Variants in NECAB1 observed in about 807,000 individuals in gnomAD.
NECAB1 encodes N-terminal EF-hand calcium binding protein 1.
Under a neutral mutation model 57.5 loss-of-function variants are expected in NECAB1, and 29 were observed. That is an observed-to-expected ratio of 0.50 (90% CI 0.38 to 0.69). The LOEUF is 0.69. NECAB1 is among the 30% of genes least tolerant of loss of function. The probability of loss-of-function intolerance (pLI) is 0.00; values close to 1 mark genes in which losing one functional copy is unlikely to be tolerated. For missense variants in NECAB1, 372 were observed against 413.8 expected, an observed-to-expected ratio of 0.90 and a Z score of 0.88; for synonymous variants, 142 against 147.7, an observed-to-expected ratio of 0.96 and a Z score of 0.28.
chr8:90,881,186 T>G, intron 5 of NECAB1, 56 bp downstream of exon 5: 3 of 1,269,734 alleles, frequency 2.4e-6, no homozygotes, highest in Non-Finnish European at 3.3e-6. Context: ...AAAAAGATTT[T>G]TCTTGAAAAT....
chr8:90,952,798 T>TAAAATAAAATAAAATAAAATAAAA (rs4041466), intron 12 of NECAB1, among the ~76,000 whole-genome samples: 1,473 of 138,224 alleles, frequency 0.011, 22 homozygotes, highest in African/African-American at 0.045. Context: ...AATAATAAAA[T>TAAAATAAAATAAAATAAAATAAAA]TAAAATAAAA....
At chr8:90,833,140 T>G in intron 3 of NECAB1, among the ~76,000 whole-genome samples, 1 of 152,194 alleles carries the variant, frequency 6.6e-6, no homozygotes, top group East Asian at 1.9e-4. Context: ...TTTCCACTCT[T>G]TGCACATTTT....
In NECAB1 at chr8:90,822,865, TA is replaced by T. The variant is rs987649629; in HGVS notation, c.125-1851del. Among the ~76,000 whole-genome samples, 7 of 143,816 alleles carry T rather than the reference TA, an allele frequency of 4.9e-5. No individual in the cohort carries two copies. The South Asian group carries it at 1.0e-3, about 21-fold the overall frequency. The allele number at this position is 143,816 out of a possible 152,430, so 94.3% of individuals were successfully genotyped here. A position where few individuals can be genotyped will look rare whatever the true frequency, so the allele number is the denominator to read the frequency against. On this transcript the variant is annotated intron_variant, in intron 2 of 12. Transcript: ENST00000417640. ...CGATTTCTGTTTTTTCTTTTTTCTT[TA>T]TTTTTTTTTTTAAACAGTACATGAA... is the stretch of plus-strand genomic sequence containing the variant.
chr8:90,947,459 G>A (rs1160620875), intron 10 of NECAB1, among the ~76,000 whole-genome samples: 1 of 149,186 alleles, frequency 6.7e-6, no homozygotes, highest in South Asian at 2.1e-4. Context: ...GGAGTGCAGT[G>A]GCTTGATCTT....
At chr8:90,902,789 C>A (rs1249438234) in intron 5 of NECAB1, among the ~76,000 whole-genome samples, 1 of 151,846 alleles carries the variant, frequency 6.6e-6, no homozygotes, top group Non-Finnish European at 1.5e-5. Context: ...TGACCTTCTA[C>A]CTGTAGGAGG....
intron 2 of NECAB1, chr8:90,813,234 T>TACACACACACACACAC (rs398008736): frequency 2.3e-5 from 2 of 85,532 alleles, no homozygotes; most frequent in Non-Finnish European, 4.6e-5. Context: ...TATGTATATA[T>TACACACACACACACAC]ACACACACAC....
At chr8:90,830,992 T>C (rs1231115154) in intron 3 of NECAB1, among the ~76,000 whole-genome samples, 1 of 152,094 alleles carries the variant, frequency 6.6e-6, no homozygotes, top group Non-Finnish European at 1.5e-5. Flanking sequence ...ACATGTCTTA[T>C]AGGACCAGAG....
At chr8:90,808,714 C>T (rs923988595) in intron 2 of NECAB1, among the ~76,000 whole-genome samples, 9 of 143,016 alleles carry the variant, frequency 6.3e-5, no homozygotes, top group Non-Finnish European at 1.0e-4. Flanking sequence ...GGCACAACCT[C>T]GGCTCACTGC....
rs767541179 is a variant in NECAB1 at position 90,951,130 on chromosome 8, A to G, written c.956A>G (p.Tyr319Cys). 6.3e-6 allele frequency: 10 copies of G among 1,597,896 alleles called. No homozygotes were observed. The East Asian group carries it at 2.3e-4, about 36-fold the overall frequency. The change falls in exon 12 of 13, where the codon TAT becomes TGT. Residue 319 changes from tyrosine to cysteine, a missense_variant. Physicochemically the swap from Tyr to Cys is radical, Grantham distance 194. Transcript: ENST00000417640. Reference protein sequence around the residue: ...SVWNSHLQTNYSKTFQRSNVD... With the variant: ...SVWNSHLQTNCSKTFQRSNVD... ...TTATACAGCCACCTTCAGACAAATT[A>G]TAGCAAGACATTCCAAAGAAGTAAT...
intron 12 of NECAB1, among the ~76,000 whole-genome samples, chr8:90,954,027 C>A (rs1465721974): frequency 6.6e-6 from 1 of 151,354 alleles, no homozygotes; most frequent in African/African-American, 2.4e-5. Context: ...TGAGTTCGTG[C>A]CAGTGCACTC....
intron 2 of NECAB1, among the ~76,000 whole-genome samples, chr8:90,814,791 C>T (rs1411650940): frequency 1.3e-5 from 2 of 152,062 alleles, no homozygotes; most frequent in African/African-American, 2.4e-5. Context: ...AAAATTATTT[C>T]TCTGAGGAAC....
chr8:90,860,855 G>A (rs562446708), intron 3 of NECAB1, among the ~76,000 whole-genome samples: 1 of 151,976 alleles, frequency 6.6e-6, no homozygotes, highest in East Asian at 1.9e-4. Context: ...ACAAAGCTAT[G>A]AAGGCAAAAA....
intron 2 of NECAB1, among the ~76,000 whole-genome samples, chr8:90,819,391 T>C (rs755908966): frequency 6.6e-6 from 1 of 152,006 alleles, no homozygotes; most frequent in African/African-American, 2.4e-5. Flanking sequence ...CCTGGCATGA[T>C]GTATCAGGTA....
chr8:90,908,280 A>C (rs1308022771), intron 5 of NECAB1, among the ~76,000 whole-genome samples: 5 of 152,136 alleles, frequency 3.3e-5, no homozygotes, highest in African/African-American at 4.8e-5. Context: ...GTGAGCAATA[A>C]GGTGGAAAGC....
chr8:90,891,371 A>G (rs190678094), intron 5 of NECAB1, among the ~76,000 whole-genome samples: 87 of 152,294 alleles, frequency 5.7e-4, no homozygotes, highest in African/African-American at 1.9e-3. Context: ...GATAATGTTT[A>G]GTCATAATAT....
intron 8 of NECAB1, among the ~76,000 whole-genome samples, chr8:90,933,794 T>C (rs1201206521): frequency 6.6e-6 from 1 of 152,158 alleles, no homozygotes; most frequent in Non-Finnish European, 1.5e-5. Context: ...TTAGCAAATG[T>C]CAATCGTATT....
chr8:90,924,520 G>A (rs1304461353), intron 6 of NECAB1, among the ~76,000 whole-genome samples: 1 of 151,992 alleles, frequency 6.6e-6, no homozygotes, highest in Non-Finnish European at 1.5e-5. Context: ...TACACACAAG[G>A]GATTATATCT....
At chr8:90,950,740 C>T (rs1279103441) in intron 11 of NECAB1, among the ~76,000 whole-genome samples, 1 of 152,092 alleles carries the variant, frequency 6.6e-6, no homozygotes, top group Non-Finnish European at 1.5e-5. Flanking sequence ...GCTTCCAGGC[C>T]AACACTTTCA....
chr8:90,922,485 G>GTTTTTTTTTTTT (rs1586127873), intron 6 of NECAB1, among the ~76,000 whole-genome samples: 1 of 65,222 alleles, frequency 1.5e-5, no homozygotes, highest in African/African-American at 9.9e-5. Context: ...CAAAAACTTG[G>GTTTTTTTTTTTT]ATTTTTTTTT....
Sources: gnomAD v4.1 joint callset for allele counts (sites outside exome capture counted in the v4.1 genomes callset) on GRCh38, gnomAD v4.1.1 for gene constraint, MANE v1.5 for transcripts, NCBI Gene and HGNC (gene_info 2026-07-23, HGNC 2026-07-21) for gene names.